Variants in SPTBN4 observed in about 807,000 individuals in gnomAD.
SPTBN4 encodes spectrin beta chain, non-erythrocytic 4.
In SPTBN4, 96 loss-of-function variants were observed where a neutral mutation model predicts 277.8. That is an observed-to-expected ratio of 0.35 (90% CI 0.29 to 0.41). The LOEUF is 0.41. Ranked by LOEUF, SPTBN4 falls within the 10% of genes least tolerant of loss-of-function variation. The pLI, the probability that SPTBN4 is intolerant of heterozygous loss-of-function variation, is 1.00. For missense variants in SPTBN4, 3,006 were observed against 3,595.7 expected (o/e 0.84, Z 4.19); for synonymous variants, 1,481 against 1,580.3 (o/e 0.94, Z 1.49).
rs899462033 is a variant in SPTBN4 at position 40,549,285 on chromosome 19, G to T, written c.4456G>T (p.Val1486Leu). 7.1e-6 allele frequency: 11 copies of T among 1,544,478 alleles called. No homozygotes were observed. Among genetic ancestry groups the T allele is most frequent in the Non-Finnish European group, 9.6e-6 (11 of 1,146,426 alleles). Residue 1486 changes from valine to leucine, a missense_variant, in exon 21 of 36, where the codon GTG (valine) becomes TTG (leucine). Val to Leu is a conservative substitution (Grantham distance 32). Coordinates refer to ENST00000598249, the MANE Select transcript of SPTBN4 (RefSeq NM_020971.3). ...LPLEPASKEL[V>L]GERQNAVGER... ...GCTGGAGCCGGCGAGCAAGGAGCTG[G>T]TGGGTGAGCGGCAGAACGCGGTGGG...
chr19:40,484,146 G>T (rs2080043049), intron 2 of SPTBN4, among the ~76,000 whole-genome samples: 1 of 151,958 alleles, frequency 6.6e-6, no homozygotes. Context: ...CTGTTGTACT[G>T]ATATCAAATA....
At position 40,523,515 on chromosome 19, in the gene SPTBN4, C is replaced by T. The variant is rs766452230; in HGVS notation, c.3733C>T (p.Leu1245Phe). 5.6e-6 allele frequency: 9 copies of T among 1,614,030 alleles called. No homozygotes were observed. Among genetic ancestry groups the T allele is most frequent in the Non-Finnish European group, 7.6e-6 (9 of 1,180,024 alleles). ...GGCCTTGAAACAGCACCGTGACTTT[C>T]TCACCACCATGGAGCTGAGCCAGCA... ...EEALKQHRDF[L>F]TTMELSQQKM... is the part of the protein sequence containing the mutation. The change falls in exon 17 of 36, where the codon CTC (leucine) becomes TTC (phenylalanine). Residue 1245 changes from leucine to phenylalanine, a missense_variant. Transcript: ENST00000598249.
At position 40,489,066 on chromosome 19, in the gene SPTBN4, C is replaced by T. The variant is rs1345795114; in HGVS notation, c.322-1009C>T. Reference sequence around the variant, plus strand: ...AAAAAGCATTAGCTGGGTGTGGTGGCGGGCACCTGTAGTCCCAGCTGCTCA... The same window carrying T: ...AAAAAGCATTAGCTGGGTGTGGTGGTGGGCACCTGTAGTCCCAGCTGCTCA... On this transcript the variant is annotated intron_variant, in intron 3 of 35. Coordinates refer to ENST00000598249, the MANE Select transcript of SPTBN4 (RefSeq NM_020971.3). Among the ~76,000 whole-genome samples the T allele has an allele frequency of 2.6e-5, 4 of 151,418 alleles. No homozygotes were observed. In the South Asian group the frequency reaches 8.4e-4, roughly 32 times the overall value.
At chr19:40,492,814 C>T (rs754171431) in intron 4 of SPTBN4, 149 bp from the exon 5 acceptor site, 33 of 615,136 alleles carry the variant, frequency 5.4e-5, no homozygotes, top group Non-Finnish European at 7.9e-5. Context: ...GAATTATCCT[C>T]ACACTCCTGG....
At chr19:40,563,199 G>A (rs1006839800) in intron 27 of SPTBN4, among the ~76,000 whole-genome samples, 11 of 151,996 alleles carry the variant, frequency 7.2e-5, no homozygotes, top group Admixed American at 3.9e-4. Context: ...GTGACAGAGC[G>A]AGATTCTGTC....
chr19:40,483,635 T>C (rs1264953143), intron 2 of SPTBN4, among the ~76,000 whole-genome samples: 4 of 152,188 alleles, frequency 2.6e-5, no homozygotes, highest in Non-Finnish European at 4.4e-5. Flanking sequence ...GATGGGACCC[T>C]ATGTGAATAC....
At position 40,483,443 on chromosome 19, in the gene SPTBN4, A is replaced by T. The variant is rs553450484; in HGVS notation, c.170-4254A>T. Among the ~76,000 whole-genome samples, 187 of 151,902 alleles carry T rather than the reference A, an allele frequency of 1.2e-3. 2 individuals carry two copies. The highest frequency in any genetic ancestry group is 4.1e-3 in the South Asian group (20 of 4,820). ...ACTAAAATTAAAAATACAATTTTTT[A>T]AAAAAAATATTGCTTCTTACTCTAG... On this transcript the variant is annotated intron_variant, in intron 2 of 35. Coordinates refer to ENST00000598249, the MANE Select transcript of SPTBN4 (RefSeq NM_020971.3).
chr19:40,518,059 A>G (rs1443394007), intron 15 of SPTBN4, among the ~76,000 whole-genome samples: 1 of 152,142 alleles, frequency 6.6e-6, no homozygotes, highest in Non-Finnish European at 1.5e-5. Context: ...TAATCCTAGC[A>G]TTTTGGGAGG....
chr19:40,469,183 C>A (rs978897320), intron 1 of SPTBN4, among the ~76,000 whole-genome samples: 1 of 152,210 alleles, frequency 6.6e-6, no homozygotes, highest in East Asian at 1.9e-4. Flanking sequence ...TAGACCCTGC[C>A]TTCCTAGAAT....
chr19:40,511,657 A>G (rs1599749218), intron 13 of SPTBN4, among the ~76,000 whole-genome samples: 1 of 152,086 alleles, frequency 6.6e-6, no homozygotes, highest in African/African-American at 2.4e-5. Flanking sequence ...TAATCCCAAC[A>G]CTTCGGGAGG....
chr19:40,549,153 G>T, intron 20 of SPTBN4, 36 bp from the exon 21 acceptor site: 3 of 1,498,728 alleles, frequency 2.0e-6, no homozygotes, highest in Non-Finnish European at 1.8e-6. Flanking sequence ...TCAGGAGGGC[G>T]GGTGGGGCCC....
At position 40,502,997 on chromosome 19, in the gene SPTBN4, C is replaced by CCAT; in HGVS notation, c.1362+66_1362+67insTCA. 1 of 1,556,438 alleles carries CCAT rather than the reference C, an allele frequency of 6.4e-7. No individual in the cohort carries two copies. Among genetic ancestry groups the CCAT allele is most frequent in the Non-Finnish European group, 8.7e-7 (1 of 1,148,522 alleles). On this transcript the variant is annotated intron_variant, in intron 11 of 35. Transcript: ENST00000598249. The surrounding 1 kb of genome is among the most constrained non-coding windows in gnomAD (Gnocchi z 4.9). ...GAGGGCGGGGCTGATGGTCCTGGGA[C>CCAT]CAGAGAGGGAGACTTGATCTTCTAG...
rs534986581 is a variant in SPTBN4 at position 40,475,608 on chromosome 19, C to T, written c.169+2818C>T. Among the ~76,000 whole-genome samples, 658 of 152,026 alleles carry T rather than the reference C, an allele frequency of 4.3e-3. 4 individuals are homozygous for T. The highest frequency in any genetic ancestry group is 6.7e-3 in the Non-Finnish European group (455 of 67,956). ...TCCCGAGTAGCTGGGACTACAGGCC[C>T]GCACCACCATGCCTGGCTAATTTTT... is the stretch of plus-strand genomic sequence containing the variant. On this transcript the variant is annotated intron_variant, in intron 2 of 35. Coordinates refer to ENST00000598249, the MANE Select transcript of SPTBN4 (RefSeq NM_020971.3).
rs1158260445 is a variant in SPTBN4 at position 40,513,487 on chromosome 19, A to C, written c.2698A>C (p.Lys900Gln). The change falls in exon 14 of 36, where the codon AAG becomes CAG. Residue 900 changes from lysine (K) to glutamine (Q), a missense_variant. Around this residue, in one of 5 missense-constraint regions of SPTBN4, gnomAD observed 1,759 missense variants for 2,061.5 expected, o/e 0.85. Coordinates refer to ENST00000598249, the MANE Select transcript of SPTBN4 (RefSeq NM_020971.3). ...VHACELWIGE[K>Q]EQWLLSMRVP... ...CGCGTGTGAGCTGTGGATCGGCGAG[A>C]AGGAGCAATGGCTGCTCTCCATGCG... 6 of 1,601,088 alleles carry C rather than the reference A, an allele frequency of 3.7e-6. No homozygotes were observed. The highest frequency in any genetic ancestry group is 5.1e-6 in the Non-Finnish European group (6 of 1,178,706).
intron 7 of SPTBN4, among the ~76,000 whole-genome samples, chr19:40,498,348 A>G (rs2080223464): frequency 6.6e-6 from 1 of 151,642 alleles, no homozygotes; most frequent in Non-Finnish European, 1.5e-5. Context: ...GGTTAGAGAG[A>G]ATTTATCAAC....
Position 40,571,263 on chromosome 19 carries a change from G to C in SPTBN4, c.7319+535G>C, listed in dbSNP as rs994649207. 5.9e-5 allele frequency among the ~76,000 whole-genome samples: 9 copies of C among 152,276 alleles called. No homozygotes were observed. In the East Asian group the frequency reaches 1.7e-3, roughly 29 times the overall value. The stretch of plus-strand genomic sequence containing the variant: ...CTACCCTTGAAGTTTCAAATTGGGG[G>C]AGGGTCCGAAAACGGGCAGAGCCCA... On this transcript the variant is annotated intron_variant, in intron 33 of 35. Coordinates refer to ENST00000598249, the MANE Select transcript of SPTBN4 (RefSeq NM_020971.3).
At chr19:40,498,303 A>G (rs552929432) in intron 7 of SPTBN4, among the ~76,000 whole-genome samples, 1 of 152,262 alleles carries the variant, frequency 6.6e-6, no homozygotes, top group Admixed American at 6.5e-5. Context: ...TGGGAACCTT[A>G]TCAGAGCTGT....
intron 27 of SPTBN4, among the ~76,000 whole-genome samples, 158 bp from the exon 28 acceptor site, chr19:40,565,265 A>C (rs1224543988): frequency 7.2e-6 from 1 of 138,290 alleles, no homozygotes; most frequent in Non-Finnish European, 1.6e-5. Context: ...ACTTTATCTC[A>C]AAAAAAAAAA....
intron 18 of SPTBN4, 137 bp from the exon 19 acceptor site, chr19:40,532,487 AG>A (rs1213799130): frequency 3.6e-6 from 4 of 1,123,050 alleles, no homozygotes; most frequent in South Asian, 1.9e-5. Flanking sequence ...TCACTTGCAA[AG>A]GTTTTTTCAT....
Sources: allele counts gnomAD v4.1 joint callset (sites outside exome capture counted in the v4.1 genomes callset), GRCh38; gene constraint gnomAD v4.1.1; regional missense constraint gnomAD v4.1.1; non-coding constraint Gnocchi (gnomAD v3.1); transcripts MANE v1.5; gene names NCBI Gene and HGNC (gene_info 2026-07-23, HGNC 2026-07-21).